The following PSD3 variants were observed in gnomAD, a reference collection of about 807,000 sequenced individuals.
PSD3 encodes pleckstrin and Sec7 domain containing 3, also known as PH and SEC7 domain-containing protein 3.
Under a neutral mutation model 105.5 loss-of-function variants are expected in PSD3, and 49 were observed. The observed-to-expected ratio is 0.46, with a 90% CI of 0.37 to 0.59. The LOEUF is 0.59. Ranked by LOEUF, PSD3 falls within the 20% of genes least tolerant of loss-of-function variation. The pLI, the probability that PSD3 is intolerant of heterozygous loss-of-function variation, is 0.00. For synonymous variants in PSD3, 557 were observed against 457.8 expected, an observed-to-expected ratio of 1.22 and a Z score of -2.77; for missense variants, 1,561 against 1,263.8, an observed-to-expected ratio of 1.24 and a Z score of -3.57.
At chr8:18,596,657 C>T (rs946398695) in intron 12 of PSD3, among the ~76,000 whole-genome samples, 2 of 151,906 alleles carry the variant, frequency 1.3e-5, no homozygotes, top group Non-Finnish European at 2.9e-5. Context: ...GCAATTGATG[C>T]CACATAAACT....
chr8:18,574,882 T>G (rs766794660), intron 13 of PSD3, among the ~76,000 whole-genome samples: 5 of 152,154 alleles, frequency 3.3e-5, no homozygotes, highest in African/African-American at 9.7e-5. Flanking sequence ...GATACTGAAT[T>G]CTAGAGATGG....
intron 12 of PSD3, among the ~76,000 whole-genome samples, chr8:18,585,224 T>C (rs1005044470): frequency 6.6e-6 from 1 of 152,188 alleles, no homozygotes; most frequent in African/African-American, 2.4e-5. Context: ...ATTTGGATGG[T>C]TGAGAAGGCC....
At chr8:19,074,907 A>G (rs1452768023) in intron 1 of PSD3, among the ~76,000 whole-genome samples, 1 of 150,848 alleles carries the variant, frequency 6.6e-6, no homozygotes, top group Non-Finnish European at 1.5e-5. Context: ...GGAGTGAGCC[A>G]CCGTGCCCGG....
intron 1 of PSD3, among the ~76,000 whole-genome samples, chr8:18,972,992 C>T (rs539959061): frequency 6.6e-6 from 1 of 152,224 alleles, no homozygotes; most frequent in South Asian, 2.1e-4. Flanking sequence ...ATTAACAAGA[C>T]AAAACTTCGA....
At chr8:18,550,621 G>T (rs1297464734) in intron 15 of PSD3, among the ~76,000 whole-genome samples, 2 of 151,944 alleles carry the variant, frequency 1.3e-5, no homozygotes, top group Non-Finnish European at 2.9e-5. Flanking sequence ...TATTAACTTA[G>T]GTGGGCAAAA....
At chr8:18,579,671 T>G (rs1802684793) in intron 12 of PSD3, among the ~76,000 whole-genome samples, 1 of 152,176 alleles carries the variant, frequency 6.6e-6, no homozygotes, top group South Asian at 2.1e-4. Context: ...CTTAACACAC[T>G]AACATAAACA....
chr8:18,544,250 C>T (rs1317012661), intron 15 of PSD3, among the ~76,000 whole-genome samples: 1 of 149,172 alleles, frequency 6.7e-6, no homozygotes, highest in Non-Finnish European at 1.5e-5. Flanking sequence ...GTAAGGACTG[C>T]TCATCTCCCT....
At chr8:18,756,957 C>T (rs974513267) in intron 9 of PSD3, among the ~76,000 whole-genome samples, 3 of 144,856 alleles carry the variant, frequency 2.1e-5, no homozygotes, top group East Asian at 3.9e-4. Context: ...CACTGCTAGC[C>T]ACTTAACACA....
intron 1 of PSD3, among the ~76,000 whole-genome samples, chr8:18,948,085 G>A (rs1782211619): frequency 6.6e-6 from 1 of 152,130 alleles, no homozygotes; most frequent in Non-Finnish European, 1.5e-5. Context: ...ATGACAGACT[G>A]AGAAGACGGG....
At chr8:18,763,143 C>A in intron 9 of PSD3, 2 of 429,030 alleles carry the variant, frequency 4.7e-6, no homozygotes, top group South Asian at 1.7e-5. Context: ...AGACATAAAT[C>A]CAAATGTTAC....
At chr8:18,691,087 T>C (rs1168628293) in intron 9 of PSD3, among the ~76,000 whole-genome samples, 1 of 152,012 alleles carries the variant, frequency 6.6e-6, no homozygotes, top group East Asian at 1.9e-4. Context: ...TCCTGGAGCA[T>C]CACACGCTTT....
chr8:18,958,889 T>C (rs17469017), intron 1 of PSD3, among the ~76,000 whole-genome samples: 61,585 of 151,514 alleles, frequency 0.41, 12,747 homozygotes, highest in African/African-American at 0.43. Context: ...AAGTCCTATA[T>C]ACAAACAGGA....
intron 15 of PSD3, among the ~76,000 whole-genome samples, chr8:18,554,770 T>C (rs1269085326): frequency 1.3e-5 from 2 of 152,092 alleles, no homozygotes; most frequent in African/African-American, 2.4e-5. Flanking sequence ...AAAAAAATTG[T>C]GCCAAGTACT....
chr8:18,702,854 C>T (rs146971702), intron 9 of PSD3, among the ~76,000 whole-genome samples: 2,748 of 151,976 alleles, frequency 0.018, 177 homozygotes, highest in East Asian at 0.16. Flanking sequence ...CCTCATGATC[C>T]GCCCGCCTCA....
chr8:18,608,059 CA>C (rs1267112100), intron 11 of PSD3, among the ~76,000 whole-genome samples: 3 of 152,150 alleles, frequency 2.0e-5, no homozygotes, highest in African/African-American at 7.2e-5. Flanking sequence ...GGTGGGGACA[CA>C]GCCAAACCAT....
intron 9 of PSD3, among the ~76,000 whole-genome samples, chr8:18,690,848 C>T (rs773530192): frequency 1.3e-5 from 2 of 152,190 alleles, no homozygotes; most frequent in Non-Finnish European, 2.9e-5. Flanking sequence ...TCAGAAAGGT[C>T]CAATAAGGCT....
intron 9 of PSD3, among the ~76,000 whole-genome samples, chr8:18,735,257 G>C (rs1804069387): frequency 6.6e-6 from 1 of 152,138 alleles, no homozygotes; most frequent in African/African-American, 2.4e-5. Context: ...AGAGCATGTT[G>C]AGATACGGAA....
intron 10 of PSD3, among the ~76,000 whole-genome samples, chr8:18,651,125 G>A (rs1365643112): frequency 6.6e-6 from 1 of 152,140 alleles, no homozygotes; most frequent in Non-Finnish European, 1.5e-5. Flanking sequence ...TAAAAGTGGA[G>A]CTGTTTTGAT....
At position 18,874,134 on chromosome 8, in the gene PSD3, AGTT is replaced by A. The variant is rs1817573001; in HGVS notation, c.131-1404_131-1402del. 2.0e-5 allele frequency among the ~76,000 whole-genome samples: 3 copies of A among 151,936 alleles called. No homozygotes were observed. The South Asian group carries it at 6.2e-4, about 31-fold the overall frequency. ...CTTTTACTTTATGAAAGAGGACATT[AGTT>A]GTTACCATTTTTATTTTATTTTATT... is the stretch of plus-strand genomic sequence containing the variant. On this transcript the variant is annotated intron_variant, in intron 2 of 15. Transcript: ENST00000327040.
Sources: gnomAD v4.1 joint callset for allele counts (sites outside exome capture counted in the v4.1 genomes callset) on GRCh38, gnomAD v4.1.1 for gene constraint, MANE v1.5 for transcripts, NCBI Gene and HGNC (gene_info 2026-07-23, HGNC 2026-07-21) for gene names.